Variants in PTPRD observed in about 807,000 individuals in gnomAD.
PTPRD encodes the protein receptor-type tyrosine-protein phosphatase delta.
A neutral mutation model predicts 214.5 loss-of-function variants in PTPRD; 34 were observed. That is an observed-to-expected ratio of 0.16 (90% CI 0.12 to 0.21). The LOEUF (loss-of-function observed/expected upper bound fraction) is 0.21. PTPRD is among the 10% of genes least tolerant of loss of function. The probability of loss-of-function intolerance (pLI) is 1.00; values close to 1 mark genes in which losing one functional copy is unlikely to be tolerated. For synonymous variants in PTPRD, 1,128 were observed against 845.7 expected, an observed-to-expected ratio of 1.33 and a Z score of -5.79; for missense variants, 2,545 against 2,398.7, an observed-to-expected ratio of 1.06 and a Z score of -1.27.
chr9:8,912,395 G>C (rs999854391), intron 11 of PTPRD, among the ~76,000 whole-genome samples: 1 of 152,116 alleles, frequency 6.6e-6, no homozygotes, highest in Admixed American at 6.6e-5. Flanking sequence ...AAAGAAGTCA[G>C]ACACAAACAA....
chr9:9,220,398 A>C (rs2099955126), intron 9 of PTPRD, among the ~76,000 whole-genome samples: 1 of 151,788 alleles, frequency 6.6e-6, no homozygotes, highest in African/African-American at 2.4e-5. Flanking sequence ...TTACTGATAA[A>C]TCTTACCAAA....
chr9:9,713,588 C>T (rs1201737276), intron 7 of PTPRD, among the ~76,000 whole-genome samples: 1 of 152,090 alleles, frequency 6.6e-6, no homozygotes. Context: ...CATTTTGAGA[C>T]ATTATGCAAG....
At chr9:8,670,021 T>C (rs1263217473) in intron 12 of PTPRD, among the ~76,000 whole-genome samples, 2 of 144,556 alleles carry the variant, frequency 1.4e-5, no homozygotes, top group African/African-American at 5.0e-5. Flanking sequence ...TTCTGCCTCT[T>C]TTTTTTTTTT....
chr9:10,341,233 CACTT>C (rs1488042015), intron 2 of PTPRD, among the ~76,000 whole-genome samples: 1 of 151,904 alleles, frequency 6.6e-6, no homozygotes, highest in African/African-American at 2.4e-5. Flanking sequence ...AAAATTGTAA[CACTT>C]AATCAGTTAC....
At chr9:9,500,257 C>T (rs1352011799) in intron 8 of PTPRD, among the ~76,000 whole-genome samples, 1 of 152,094 alleles carries the variant, frequency 6.6e-6, no homozygotes, top group East Asian at 1.9e-4. Flanking sequence ...TCACACCAGG[C>T]TTGGCCTCTC....
At chr9:10,381,669 A>G in intron 2 of PTPRD, among the ~76,000 whole-genome samples, 1 of 151,962 alleles carries the variant, frequency 6.6e-6, no homozygotes, top group East Asian at 1.9e-4. Flanking sequence ...CAAAGGACAT[A>G]ACTCTTTCAG....
At chr9:10,097,388 T>C (rs575377456) in intron 3 of PTPRD, among the ~76,000 whole-genome samples, 108 of 145,398 alleles carry the variant, frequency 7.4e-4, no homozygotes, top group Non-Finnish European at 1.3e-3. Flanking sequence ...TGTTCTTCCA[T>C]TTGTTTGTAT....
At chr9:9,969,213 C>T (rs903504324) in intron 4 of PTPRD, among the ~76,000 whole-genome samples, 3 of 152,064 alleles carry the variant, frequency 2.0e-5, no homozygotes, top group African/African-American at 7.2e-5. Flanking sequence ...AAGAATTACA[C>T]ATCTGAAGAA....
At chr9:10,595,406 T>C (rs1398967174) in intron 2 of PTPRD, among the ~76,000 whole-genome samples, 3 of 151,746 alleles carry the variant, frequency 2.0e-5, no homozygotes, top group East Asian at 3.9e-4. Flanking sequence ...GTTGGAAAAA[T>C]CAGTGATAAT....
intron 9 of PTPRD, among the ~76,000 whole-genome samples, chr9:9,381,614 A>T (rs897115549): frequency 1.4e-4 from 21 of 152,020 alleles, no homozygotes; most frequent in African/African-American, 5.1e-4. Context: ...CGGCCTCCCA[A>T]AGTGCTGAGA....
At chr9:9,919,988 GT>G (rs1016155546) in intron 5 of PTPRD, among the ~76,000 whole-genome samples, 8 of 151,986 alleles carry the variant, frequency 5.3e-5, no homozygotes, top group South Asian at 4.1e-4. Context: ...ACACCTTGAA[GT>G]TTTTTTTCAT....
chr9:8,533,468 T>A (rs2076206814), intron 14 of PTPRD, among the ~76,000 whole-genome samples: 1 of 152,032 alleles, frequency 6.6e-6, no homozygotes, highest in African/African-American at 2.4e-5. Context: ...AGTGCAGTAT[T>A]TAAAAATTTG....
chr9:9,099,256 C>T (rs752923876), intron 10 of PTPRD, among the ~76,000 whole-genome samples: 12 of 152,124 alleles, frequency 7.9e-5, no homozygotes, highest in Non-Finnish European at 1.5e-4. Context: ...TATTCTAGTT[C>T]TTCAGTTGGG....
intron 35 of PTPRD, among the ~76,000 whole-genome samples, chr9:8,436,307 T>C (rs988029976): frequency 1.3e-5 from 2 of 151,000 alleles, no homozygotes; most frequent in African/African-American, 2.4e-5. Flanking sequence ...AATATGTAAA[T>C]ATATACAATT....
At chr9:9,654,292 G>C (rs925066178) in intron 7 of PTPRD, among the ~76,000 whole-genome samples, 11 of 152,072 alleles carry the variant, frequency 7.2e-5, no homozygotes, top group Admixed American at 7.2e-4. Context: ...AATTTTAAGA[G>C]GGATAGTAAC....
intron 9 of PTPRD, among the ~76,000 whole-genome samples, chr9:9,314,429 T>C (rs1199332559): frequency 6.6e-6 from 1 of 152,122 alleles, no homozygotes. Flanking sequence ...CATAAATTAG[T>C]AGTAAATGTC....
intron 10 of PTPRD, among the ~76,000 whole-genome samples, chr9:9,138,970 T>A (rs987894871): frequency 6.6e-6 from 1 of 152,152 alleles, no homozygotes; most frequent in African/African-American, 2.4e-5. Flanking sequence ...ACAGTAATCT[T>A]CATTAAGGTA....
At position 9,273,769 on chromosome 9, in the gene PTPRD, G is replaced by C. The variant is rs1014695703; in HGVS notation, c.-202-90406C>G. Reference sequence around the variant, plus strand: ...CAGCTAATGATTTGCACAGGTGGAAGTAAGAGATTATAATGAGGTCTCATC... The same window carrying C: ...CAGCTAATGATTTGCACAGGTGGAACTAAGAGATTATAATGAGGTCTCATC... On this transcript the variant is annotated intron_variant, in intron 9 of 45. Coordinates refer to ENST00000381196, the MANE Select transcript of PTPRD (RefSeq NM_002839.4). Among the ~76,000 whole-genome samples, 5 of 151,274 alleles carry C rather than the reference G, an allele frequency of 3.3e-5. No individual in the cohort carries two copies. The South Asian group carries it at 1.0e-3, about 31-fold the overall frequency.
chr9:9,186,905 C>G (rs2099931979), intron 9 of PTPRD, among the ~76,000 whole-genome samples: 1 of 151,706 alleles, frequency 6.6e-6, no homozygotes, highest in Non-Finnish European at 1.5e-5. Flanking sequence ...TTTAGATTTG[C>G]TTAGAATAAT....
Sources: gnomAD v4.1 joint callset for allele counts (sites outside exome capture counted in the v4.1 genomes callset) on GRCh38, gnomAD v4.1.1 for gene constraint, MANE v1.5 for transcripts, NCBI Gene and HGNC (gene_info 2026-07-23, HGNC 2026-07-21) for gene names.